The following TMTC4 variants were observed in gnomAD, a reference collection of about 807,000 sequenced individuals.
TMTC4 encodes the protein transmembrane O-mannosyltransferase targeting cadherins 4.
TMTC4 carries 65 observed loss-of-function variants against 86.0 expected under a neutral mutation model. The observed-to-expected ratio is 0.76, with a 90% CI of 0.62 to 0.93. The LOEUF (loss-of-function observed/expected upper bound fraction) is 0.93. Among genes scored for constraint, TMTC4 ranks in the 40% least tolerant of loss-of-function variants. TMTC4 has a pLI of 0.00. For synonymous variants in TMTC4, 379 were observed against 382.5 expected, an observed-to-expected ratio of 0.99 and a Z score of 0.11; for missense variants, 866 against 948.1, an observed-to-expected ratio of 0.91 and a Z score of 1.14.
rs566039952 is a variant in TMTC4 at position 100,662,311 on chromosome 13, C to T, written c.552+653G>A. ...CCAGCAGAGTGCAGGCACCGCTTTC[C>T]AGTTCAATACCAAGTACATCAGCAT... On this transcript the variant is annotated intron_variant, in intron 5 of 18. Coordinates refer to ENST00000342624, the MANE Select transcript of TMTC4 (RefSeq NM_032813.5). 2.3e-3 allele frequency among the ~76,000 whole-genome samples: 341 copies of T among 150,780 alleles called. 3 individuals carry two copies. Among genetic ancestry groups the T allele is most frequent in the African/African-American group, 7.7e-3 (316 of 41,192 alleles).
At position 100,670,554 on chromosome 13, in the gene TMTC4, C is replaced by T. The variant is rs1489173217; in HGVS notation, c.-192G>A. 13 of 540,862 alleles carry T rather than the reference C, an allele frequency of 2.4e-5. No individual in the cohort carries two copies. The highest frequency in any genetic ancestry group is 3.5e-5 in the Non-Finnish European group (11 of 312,966). The allele number at this position is 540,862 out of a possible 1,614,324, so 33.5% of individuals were successfully genotyped here. ...TCCAGTCAAAGGATAAACCACTTCTCGAATCTAAATTACAACTGCAAACAC... is the reference window on the plus strand; with the variant it reads ...TCCAGTCAAAGGATAAACCACTTCTTGAATCTAAATTACAACTGCAAACAC... On this transcript the variant is annotated 5_prime_UTR_variant, in exon 2 of 19. Transcript: ENST00000342624.
intron 6 of TMTC4, among the ~76,000 whole-genome samples, chr13:100,643,676 A>G (rs1482593811): frequency 6.6e-6 from 1 of 152,214 alleles, no homozygotes; most frequent in Non-Finnish European, 1.5e-5. Flanking sequence ...TATTTTAACC[A>G]TGTGTGTATA....
intron 1 of TMTC4, chr13:100,673,336 T>C: frequency 1.0e-6 from 1 of 985,328 alleles, no homozygotes; most frequent in Non-Finnish European, 1.2e-6. Flanking sequence ...CTTGGAAAAA[T>C]TAGCAGCAGC....
At chr13:100,618,486 C>CTA (rs1158237027) in intron 15 of TMTC4, among the ~76,000 whole-genome samples, 1 of 132,544 alleles carries the variant, frequency 7.5e-6, no homozygotes, top group Non-Finnish European at 1.6e-5. Context: ...CTCTCTCTCT[C>CTA]TTTTATTTTA....
chr13:100,641,478 CTTCT>C (rs539462717), intron 7 of TMTC4, among the ~76,000 whole-genome samples: 13 of 151,694 alleles, frequency 8.6e-5, no homozygotes, highest in South Asian at 4.2e-4. Flanking sequence ...TCATCTTTTC[CTTCT>C]TTCTTTTTTT....
chr13:100,638,525 A>G (rs1882580654), intron 7 of TMTC4: 1 of 152,478 alleles, frequency 6.6e-6, no homozygotes, highest in Non-Finnish European at 1.5e-5. Flanking sequence ...GATAATCTCT[A>G]ATGGAGCTCT....
intron 17 of TMTC4, among the ~76,000 whole-genome samples, chr13:100,608,930 C>T (rs540937542): frequency 5.3e-5 from 8 of 152,232 alleles, no homozygotes; most frequent in East Asian, 1.9e-4. Context: ...TAGGAACAAG[C>T]GCTAGTCTGT....
intron 10 of TMTC4, chr13:100,635,912 C>T (rs9518118): frequency 0.82 from 125,215 of 152,502 alleles, 52,021 homozygotes; most frequent in East Asian, 0.99. Flanking sequence ...TTTGTGGCTC[C>T]TTAGAATTAC....
At chr13:100,667,553 C>A (rs573004403) in intron 3 of TMTC4, among the ~76,000 whole-genome samples, 2 of 152,190 alleles carry the variant, frequency 1.3e-5, no homozygotes, top group South Asian at 4.2e-4. Context: ...CATGTTGCCC[C>A]CATACAATAC....
chr13:100,652,186 C>T (rs1030190173), intron 6 of TMTC4, among the ~76,000 whole-genome samples: 1 of 151,094 alleles, frequency 6.6e-6, no homozygotes, highest in Non-Finnish European at 1.5e-5. Flanking sequence ...AACAAACAAA[C>T]AAAAAAACCA....
intron 1 of TMTC4, chr13:100,673,195 A>G: frequency 2.4e-6 from 1 of 408,938 alleles, no homozygotes; most frequent in Non-Finnish European, 3.3e-6. Flanking sequence ...GAGAAGGCCA[A>G]AAAGACCCCA....
chr13:100,642,959 C>A (rs1260814043), intron 6 of TMTC4, among the ~76,000 whole-genome samples: 1 of 152,138 alleles, frequency 6.6e-6, no homozygotes, highest in Admixed American at 6.5e-5. Context: ...GGCTCGAGCA[C>A]CAACAAGAAG....
chr13:100,662,156 G>A (rs956797662), intron 5 of TMTC4, among the ~76,000 whole-genome samples: 27 of 150,106 alleles, frequency 1.8e-4, no homozygotes, highest in African/African-American at 6.6e-4. Context: ...ACTGGAAAGC[G>A]GTGCCCGTAC....
At chr13:100,662,117 T>C (rs1364659906) in intron 5 of TMTC4, among the ~76,000 whole-genome samples, 3 of 151,494 alleles carry the variant, frequency 2.0e-5, no homozygotes, top group African/African-American at 2.4e-5. Context: ...AGGCCTCCAC[T>C]GAGGATATGC....
intron 15 of TMTC4, chr13:100,624,086 G>T (rs1432416064): frequency 2.0e-5 from 4 of 196,068 alleles, no homozygotes; most frequent in Admixed American, 1.8e-4. Context: ...CAGCACTTTC[G>T]GAGGCTGAGG....
Position 100,664,250 on chromosome 13 carries a change from G to C in TMTC4, c.306C>G (p.Ser102=). The C allele has an allele frequency of 1.2e-6, 2 of 1,612,238 alleles. No homozygotes were observed. The highest frequency in any genetic ancestry group is 1.7e-6 in the Non-Finnish European group (2 of 1,179,104). ...AAGTCAGGACGGTGAGAGGCCGGTA[G>C]GACTTGTGGCTGGTGTTGCTGCTCA... is the stretch of plus-strand genomic sequence containing the variant. ...SRLSSNTSHK[S]YRPLTVLTFR... Residue 102 remains serine, a synonymous_variant, in exon 4 of 19, where the codon TCC becomes TCG. Transcript: ENST00000342624.
intron 3 of TMTC4, among the ~76,000 whole-genome samples, chr13:100,667,638 TA>T: frequency 6.6e-6 from 1 of 152,310 alleles, no homozygotes; most frequent in East Asian, 1.9e-4. Context: ...GTAGAATCCA[TA>T]ACTTCACATT....
intron 12 of TMTC4, among the ~76,000 whole-genome samples, chr13:100,632,068 CTCTCTCTCTCT>C (rs1881520565): frequency 1.0e-5 from 1 of 97,140 alleles, no homozygotes; most frequent in African/African-American, 3.1e-5. Flanking sequence ...CTCTCTCTCT[CTCTCTCTCTCT>C]CTCTCTCTCT....
intron 12 of TMTC4, among the ~76,000 whole-genome samples, chr13:100,630,446 T>G (rs1881200146): frequency 6.6e-6 from 1 of 152,234 alleles, no homozygotes; most frequent in African/African-American, 2.4e-5. Context: ...TGTCCATTCA[T>G]AGGTATTTTT....
Sources: gnomAD v4.1 joint callset for allele counts (sites outside exome capture counted in the v4.1 genomes callset) on GRCh38, gnomAD v4.1.1 for gene constraint, MANE v1.5 for transcripts, NCBI Gene and HGNC (gene_info 2026-07-23, HGNC 2026-07-21) for gene names.